The following DDI2 variants were observed in gnomAD, a reference collection of about 807,000 sequenced individuals.
The protein encoded by DDI2 is protein DDI1 homolog 2.
Under a neutral mutation model 48.1 loss-of-function variants are expected in DDI2, and 5 were observed. That is an observed-to-expected ratio of 0.10 (90% CI 0.05 to 0.22). The LOEUF (loss-of-function observed/expected upper bound fraction) is 0.22, where lower values mean the gene tolerates loss of function less well. Ranked by LOEUF, DDI2 falls within the 10% of genes least tolerant of loss-of-function variation. DDI2 has a pLI of 1.00. For synonymous variants in DDI2, 205 were observed against 183.6 expected, an observed-to-expected ratio of 1.12 and a Z score of -0.94; for missense variants, 285 against 506.2, an observed-to-expected ratio of 0.56 and a Z score of 4.19.
At chr1:15,647,469 C>T (rs982142982) in intron 6 of DDI2, among the ~76,000 whole-genome samples, 5 of 152,026 alleles carry the variant, frequency 3.3e-5, no homozygotes, top group Admixed American at 3.3e-4. Flanking sequence ...CCTATTAGAA[C>T]ATGGCAGTAT....
At chr1:15,648,196 A>G (rs1018857774) in intron 6 of DDI2, among the ~76,000 whole-genome samples, 9 of 152,340 alleles carry the variant, frequency 5.9e-5, no homozygotes, top group Admixed American at 3.9e-4. Context: ...GGAATACCAT[A>G]AACTGGTTCC....
chr1:15,660,217 A>G lies in DDI2; in HGVS notation c.*427A>G. ...TAATCTGGAGAAATCTGCTGAAAGA[A>G]GCACCCAGGGCCTCAAATTTCATCT... On this transcript the variant is annotated 3_prime_UTR_variant, in exon 10 of 10. Transcript: ENST00000480945. 1 of 1,614,254 alleles carries G rather than the reference A, an allele frequency of 6.2e-7. No homozygotes were observed.
intron 1 of DDI2, among the ~76,000 whole-genome samples, chr1:15,622,831 A>G (rs189327410): frequency 1.8e-3 from 274 of 152,298 alleles, no homozygotes; most frequent in Non-Finnish European, 3.1e-3. Context: ...CTTTGTGGCA[A>G]TTACAATTTT....
At chr1:15,639,425 AT>A (rs1639973922) in intron 5 of DDI2, among the ~76,000 whole-genome samples, 1 of 151,960 alleles carries the variant, frequency 6.6e-6, no homozygotes, top group South Asian at 2.1e-4. Context: ...ATTTTCTTTC[AT>A]TTGTTCATCT....
Position 15,630,364 on chromosome 1 carries a change from G to T in DDI2, c.308G>T (p.Gly103Val), listed in dbSNP as rs1639824352. 2 of 1,614,164 alleles carry T rather than the reference G, an allele frequency of 1.2e-6. No homozygotes were observed. Among genetic ancestry groups the T allele is most frequent in the South Asian group, 2.2e-5 (2 of 91,078 alleles). ...RIDFSSIAVP[G>V]TSSPRQRQPP... ...GATTTCAGTAGTATAGCTGTGCCTG[G>T]CACATCAAGTCCCCGGCAGCGCCAG... is the stretch of plus-strand genomic sequence containing the variant. Residue 103 changes from glycine (G) to valine (V), a missense_variant, in exon 3 of 10, where the codon GGC becomes GTC. Around this residue, in one of 3 missense-constraint regions of DDI2, gnomAD observed 149 missense variants for 236.5 expected, o/e 0.63. Coordinates refer to ENST00000480945, the MANE Select transcript of DDI2 (RefSeq NM_032341.5).
intron 4 of DDI2, among the ~76,000 whole-genome samples, chr1:15,634,891 C>A (rs148536743): frequency 6.6e-6 from 1 of 152,112 alleles, no homozygotes; most frequent in Admixed American, 6.6e-5. Context: ...CTCAGCCACT[C>A]AAAGTGCTGG....
rs191109536 is a variant in DDI2, at chr1:15,649,623, A to T, written c.890-97A>T. 2.8e-5 allele frequency: 34 copies of T among 1,228,140 alleles called. 1 individual carries two copies. The Middle Eastern group carries it at 1.3e-3, about 47-fold the overall frequency. 76.1% of individuals were successfully genotyped at this position (1,228,140 alleles called of 1,614,324 possible). On this transcript the variant is annotated intron_variant, in intron 6 of 9. Transcript: ENST00000480945. ...GAGGCAGAGGTTGCCATCAGCCAGG[A>T]TTATGCCATTGCACTCCAGCCTGGG...
intron 1 of DDI2, among the ~76,000 whole-genome samples, chr1:15,625,772 C>T (rs906904734): frequency 7.2e-5 from 11 of 152,140 alleles, no homozygotes; most frequent in African/African-American, 2.4e-4. Flanking sequence ...GCACGTGCCA[C>T]GACACTGGGC....
chr1:15,623,219 C>G lies in DDI2; in HGVS notation c.139-3450C>G, dbSNP rs1235800636. Among the ~76,000 whole-genome samples, 3 of 151,972 alleles carry G rather than the reference C, an allele frequency of 2.0e-5. No homozygotes were observed. In the East Asian group the frequency reaches 5.8e-4, roughly 29 times the overall value. ...GAGCAGTGGACAGTATTTTGATCCT[C>G]TTAGTGGATAGAGTCTCTTAGTGGC... On this transcript the variant is annotated intron_variant, in intron 1 of 9. Coordinates refer to ENST00000480945, the MANE Select transcript of DDI2 (RefSeq NM_032341.5).
At chr1:15,652,032 C>A (rs369255528) in intron 8 of DDI2, 137 bp downstream of exon 8, 5 of 417,732 alleles carry the variant, frequency 1.2e-5, no homozygotes, top group South Asian at 9.4e-5. Context: ...CATTATTTGT[C>A]TTCTTAACCT....
rs924304724 is a variant in DDI2 at position 15,617,805 on chromosome 1, C to T, written c.135C>T (p.Ser45=). Residue 45 remains serine, a synonymous_variant, in exon 1 of 10, where the codon AGC becomes AGT. Transcript: ENST00000480945. ...AGTCTGGCATCCCCGCAGCCGAGAGCCAGGTACGCCGGGCAGCGAGCCGGG... is the reference window on the plus strand; with the variant it reads ...AGTCTGGCATCCCCGCAGCCGAGAGTCAGGTACGCCGGGCAGCGAGCCGGG... The part of the protein sequence containing the change: ...ELESGIPAAE[S]QIVYAERPLT... 1.3e-5 allele frequency: 21 copies of T among 1,595,976 alleles called. No homozygotes were observed. Among genetic ancestry groups the T allele is most frequent in the Non-Finnish European group, 1.7e-5 (20 of 1,172,738 alleles).
chr1:15,643,458 T>C (rs898952570), intron 5 of DDI2, 64 bp from the exon 6 acceptor site: 1 of 1,590,484 alleles, frequency 6.3e-7, no homozygotes, highest in African/African-American at 1.3e-5. Context: ...TTTAGTGCTA[T>C]ATTTTGAGTC....
In DDI2 at chr1:15,651,827, A is replaced by C; in HGVS notation, c.1115A>C (p.Asp372Ala). 6.2e-7 allele frequency: 1 copy of C among 1,613,996 alleles called. No individual in the cohort carries two copies. Reference sequence around the variant, plus strand: ...TTGGCATATGGGGCTGGAAGAGAGGATGTACGGCCAGAGGAGATTGCAGAC... The same window carrying C: ...TTGGCATATGGGGCTGGAAGAGAGGCTGTACGGCCAGAGGAGATTGCAGAC... Reference protein sequence around the residue: ...ARLAYGAGREDVRPEEIADQE... With the variant: ...ARLAYGAGREAVRPEEIADQE... The change falls in exon 8 of 10, where the codon GAT becomes GCT. Residue 372 changes from aspartate (D) to alanine (A), a missense_variant. Asp to Ala is a moderately radical substitution (Grantham distance 126, BLOSUM62 -2). This residue lies in a region of DDI2 where 66 missense variants were observed against 87.3 expected (regional missense o/e 0.76). Transcript: ENST00000480945.
At chr1:15,643,808 T>C (rs1435663717) in intron 6 of DDI2, among the ~76,000 whole-genome samples, 158 bp downstream of exon 6, 3 of 152,238 alleles carry the variant, frequency 2.0e-5, no homozygotes, top group Non-Finnish European at 4.4e-5. Flanking sequence ...GCCTAATTTC[T>C]AGAAGTTTTA....
chr1:15,621,366 G>A (rs780572317), intron 1 of DDI2, among the ~76,000 whole-genome samples: 1 of 152,106 alleles, frequency 6.6e-6, no homozygotes, highest in Admixed American at 6.6e-5. Flanking sequence ...AGCATGATTT[G>A]TGGTTTGTAA....
At chr1:15,643,376 G>A (rs1640040187) in intron 5 of DDI2, 146 bp from the exon 6 acceptor site, 1 of 1,090,472 alleles carries the variant, frequency 9.2e-7, no homozygotes, top group Non-Finnish European at 1.3e-6. Context: ...GGCAGGCAGG[G>A]CACTTGCTAG....
In DDI2 at chr1:15,634,933, T is replaced by C. The variant is rs1639904731; in HGVS notation, c.632+1368T>C. On this transcript the variant is annotated intron_variant, in intron 4 of 9. Transcript: ENST00000480945. ...AAGTGTGAACACCATGTCCTGCCTC[T>C]TACTCTTCTTACTACATTTGAAATC... Among the ~76,000 whole-genome samples, 6 of 152,168 alleles carry C rather than the reference T, an allele frequency of 3.9e-5. No homozygotes were observed. The South Asian group carries it at 1.2e-3, about 32-fold the overall frequency.
intron 5 of DDI2, among the ~76,000 whole-genome samples, chr1:15,640,354 A>G (rs568929336): frequency 3.3e-4 from 51 of 152,296 alleles, no homozygotes; most frequent in South Asian, 8.3e-4. Flanking sequence ...TCCATAAGAA[A>G]ACTTAGATAT....
At chr1:15,644,588 T>G (rs894983849) in intron 6 of DDI2, among the ~76,000 whole-genome samples, 7 of 64,686 alleles carry the variant, frequency 1.1e-4, no homozygotes, top group Non-Finnish European at 1.7e-4. Context: ...GTTTTTTTTG[T>G]TTTTTTTTTT....
Sources: allele counts gnomAD v4.1 joint callset (sites outside exome capture counted in the v4.1 genomes callset), GRCh38; gene constraint gnomAD v4.1.1; regional missense constraint gnomAD v4.1.1; transcripts MANE v1.5; gene names NCBI Gene and HGNC (gene_info 2026-07-23, HGNC 2026-07-21).